Variants in GPHN observed in about 807,000 individuals in gnomAD.
GPHN encodes the protein gephyrin.
GPHN carries 17 observed loss-of-function variants against 95.5 expected under a neutral mutation model. The observed-to-expected ratio is 0.18, with a 90% CI of 0.12 to 0.27. GPHN has a LOEUF of 0.27. Ranked by LOEUF, GPHN falls within the 10% of genes least tolerant of loss-of-function variation. The pLI, the probability that GPHN is intolerant of heterozygous loss-of-function variation, is 1.00. For missense variants in GPHN, 660 were observed against 978.1 expected, an observed-to-expected ratio of 0.67 and a Z score of 4.34; for synonymous variants, 320 against 322.5, an observed-to-expected ratio of 0.99 and a Z score of 0.08.
chr14:66,597,183 C>T (rs1215157697), intron 1 of GPHN, among the ~76,000 whole-genome samples: 1 of 151,878 alleles, frequency 6.6e-6, no homozygotes, highest in Non-Finnish European at 1.5e-5. Context: ...GGCCCGAAGG[C>T]GAGAAGAGAC....
the GPHN span, among the ~76,000 whole-genome samples, chr14:67,560,255 G>GACCTCAGGTGATTCACCC: frequency 1.3e-5 from 2 of 152,116 alleles, no homozygotes; most frequent in African/African-American, 4.8e-5. Context: ...TCGAACTCCT[G>GACCTCAGGTGATTCACCC]ACCTCAGGTG....
At chr14:66,769,234 G>T (rs894262854) in intron 2 of GPHN, among the ~76,000 whole-genome samples, 2 of 152,024 alleles carry the variant, frequency 1.3e-5, no homozygotes, top group African/African-American at 4.8e-5. Flanking sequence ...TTCTTAAAGT[G>T]TATGTTAGTC....
the GPHN span, among the ~76,000 whole-genome samples, chr14:67,529,779 A>G: frequency 6.6e-6 from 1 of 152,186 alleles, no homozygotes; most frequent in Non-Finnish European, 1.5e-5. Flanking sequence ...TCAGCAGTAG[A>G]AGTAACCTCC....
chr14:67,175,201 C>A (rs947737234), intron 21 of GPHN, among the ~76,000 whole-genome samples: 1 of 151,996 alleles, frequency 6.6e-6, no homozygotes, highest in East Asian at 1.9e-4. Context: ...TAGGGTTTTT[C>A]TGGTTTTAGG....
intron 6 of GPHN, among the ~76,000 whole-genome samples, chr14:66,918,155 A>G (rs530727811): frequency 1.3e-5 from 2 of 152,226 alleles, no homozygotes; most frequent in Non-Finnish European, 2.9e-5. Flanking sequence ...AAGTCAGCCA[A>G]GGGAGAAAGT....
chr14:66,666,393 A>G (rs1213016535), intron 1 of GPHN, among the ~76,000 whole-genome samples: 1 of 151,694 alleles, frequency 6.6e-6, no homozygotes, highest in Non-Finnish European at 1.5e-5. Flanking sequence ...GTATTGGATT[A>G]AATAAAAACA....
At chr14:67,102,021 G>A (rs1211778690) in intron 13 of GPHN, among the ~76,000 whole-genome samples, 1 of 151,870 alleles carries the variant, frequency 6.6e-6, no homozygotes, top group Non-Finnish European at 1.5e-5. Context: ...ACAGGCACCC[G>A]CCACCACGCC....
the GPHN span, chr14:67,317,318 A>G: frequency 1.7e-6 from 2 of 1,177,674 alleles, no homozygotes; most frequent in Admixed American, 4.7e-5. Context: ...TTAAAGAATA[A>G]ATGAATGAAT....
At chr14:66,887,752 G>C (rs2064274110) in intron 5 of GPHN, among the ~76,000 whole-genome samples, 1 of 152,082 alleles carries the variant, frequency 6.6e-6, no homozygotes, top group Non-Finnish European at 1.5e-5. Flanking sequence ...AATTTGAAGA[G>C]ACAAAGCAAG....
the GPHN span, among the ~76,000 whole-genome samples, chr14:67,418,310 C>T: frequency 1.3e-5 from 2 of 151,536 alleles, no homozygotes; most frequent in Non-Finnish European, 2.9e-5. Flanking sequence ...TCCACTACTC[C>T]ACACAGTCTT....
chr14:67,492,485 C>T, the GPHN span, among the ~76,000 whole-genome samples: 1 of 152,190 alleles, frequency 6.6e-6, no homozygotes. Flanking sequence ...GGCAAAGTGA[C>T]CAGGATTTTA....
chr14:67,397,925 G>A, the GPHN span: 4 of 905,270 alleles, frequency 4.4e-6, no homozygotes, highest in Non-Finnish European at 6.6e-6. Context: ...AGACTGTGCT[G>A]TGGAAATCAG....
At chr14:67,610,633 C>G in the GPHN span, among the ~76,000 whole-genome samples, 11 of 152,132 alleles carry the variant, frequency 7.2e-5, no homozygotes, top group African/African-American at 2.7e-4. Context: ...TCTTGGAGAT[C>G]CTTTTCAGAT....
chr14:66,665,995 G>A (rs957687612), intron 1 of GPHN, among the ~76,000 whole-genome samples: 4 of 150,642 alleles, frequency 2.7e-5, no homozygotes, highest in African/African-American at 9.8e-5. Context: ...GTAAACTATC[G>A]CAAGGACAAA....
the GPHN span, among the ~76,000 whole-genome samples, chr14:67,599,535 A>G: frequency 3.3e-5 from 5 of 152,306 alleles, no homozygotes; most frequent in East Asian, 3.9e-4. Context: ...AGGAAGAACT[A>G]TAACACTCTA....
At chr14:67,180,523 C>T (rs1159913207) in intron 22 of GPHN, among the ~76,000 whole-genome samples, 1 of 152,098 alleles carries the variant, frequency 6.6e-6, no homozygotes, top group Non-Finnish European at 1.5e-5. Context: ...CATAACATTT[C>T]AGCCTGAATT....
intron 6 of GPHN, among the ~76,000 whole-genome samples, chr14:66,921,444 G>T (rs1391145383): frequency 1.2e-3 from 150 of 129,122 alleles, no homozygotes; most frequent in Non-Finnish European, 1.9e-3. Context: ...TGATGGGATT[G>T]TTTTTTTTTT....
At chr14:66,689,501 G>C (rs2153405399) in intron 2 of GPHN, among the ~76,000 whole-genome samples, 1 of 152,198 alleles carries the variant, frequency 6.6e-6, no homozygotes, top group South Asian at 2.1e-4. Flanking sequence ...CAGGGATGTT[G>C]GTCTGTAGTT....
the GPHN span, among the ~76,000 whole-genome samples, chr14:67,221,548 C>G: frequency 6.6e-6 from 1 of 152,202 alleles, no homozygotes; most frequent in Non-Finnish European, 1.5e-5. Context: ...TTATTACGTA[C>G]AATAAACTTT....
Sources: allele counts gnomAD v4.1 joint callset (sites outside exome capture counted in the v4.1 genomes callset), GRCh38; gene constraint gnomAD v4.1.1; transcripts MANE v1.5; gene names NCBI Gene and HGNC (gene_info 2026-07-23, HGNC 2026-07-21).